Variants in SV2C observed in about 807,000 individuals in gnomAD.
SV2C encodes solute carrier family 22 member B3.
SV2C carries 49 observed loss-of-function variants against 79.7 expected under a neutral mutation model. That is an observed-to-expected ratio of 0.61 (90% confidence interval 0.49 to 0.78). SV2C has a LOEUF of 0.78. Among genes scored for constraint, SV2C ranks in the 30% least tolerant of loss-of-function variants. The pLI is 0.00. For missense variants in SV2C, 833 were observed against 912.9 expected (o/e 0.91, Z 1.13); for synonymous variants, 334 against 333.2 (o/e 1.00, Z -0.03).
At chr5:75,864,191 C>G in the SV2C span, among the ~76,000 whole-genome samples, 1 of 152,130 alleles carries the variant, frequency 6.6e-6, no homozygotes, top group Non-Finnish European at 1.5e-5. Context: ...TATAGAAAAA[C>G]TGAGCCTGAT....
At chr5:76,142,317 A>C (rs1014476533) in intron 2 of SV2C, among the ~76,000 whole-genome samples, 3 of 152,186 alleles carry the variant, frequency 2.0e-5, no homozygotes, top group Admixed American at 1.3e-4. Context: ...TCCAATTAAA[A>C]ATTTTTTTAC....
At position 76,266,425 on chromosome 5, in the gene SV2C, C is replaced by G. The variant is rs6895220; in HGVS notation, c.914-18737C>G. Among the ~76,000 whole-genome samples, 157 of 152,266 alleles carry G rather than the reference C, an allele frequency of 1.0e-3. 5 individuals are homozygous for G. In the East Asian group the frequency reaches 0.024, roughly 24 times the overall value. ...GTTTCACCATGTTGGCCAGGCTGGTCTCAAACTCCTGACCTCAAGTGATCC... is the reference window on the plus strand; with the variant it reads ...GTTTCACCATGTTGGCCAGGCTGGTGTCAAACTCCTGACCTCAAGTGATCC... On this transcript the variant is annotated intron_variant, in intron 4 of 12. Transcript: ENST00000502798.
At chr5:75,916,628 C>G in the SV2C span, among the ~76,000 whole-genome samples, 1 of 152,108 alleles carries the variant, frequency 6.6e-6, no homozygotes, top group Non-Finnish European at 1.5e-5. Context: ...GCACACACCA[C>G]CACATCTGGC....
intron 1 of SV2C, among the ~76,000 whole-genome samples, chr5:76,087,285 G>C (rs998241813): frequency 6.6e-6 from 1 of 152,152 alleles, no homozygotes; most frequent in African/African-American, 2.4e-5. Flanking sequence ...AATATTTTCT[G>C]TTGATCACCT....
At chr5:75,951,443 G>A in the SV2C span, among the ~76,000 whole-genome samples, 1 of 152,076 alleles carries the variant, frequency 6.6e-6, no homozygotes, top group Non-Finnish European at 1.5e-5. Context: ...GCTAAATGAA[G>A]AAATTATTTC....
rs142106130 is a variant in SV2C at position 76,348,900 on chromosome 5, TGAGGCAGAGAACAGCTTGAACCCAG to T, written c.2001-4220_2001-4196del. Among the ~76,000 whole-genome samples the T allele has an allele frequency of 9.3e-3, 1,411 of 152,232 alleles. 19 individuals carry two copies. Among genetic ancestry groups the T allele is most frequent in the African/African-American group, 0.032 (1,334 of 41,538 alleles). The stretch of plus-strand genomic sequence containing the variant: ...CTATAATCCCAGCTACTTGGGAGGC[TGAGGCAGAGAACAGCTTGAACCCAG>T]GAGGCAGAGTTTGCAGCGAGCCGAG... On this transcript the variant is annotated intron_variant, in intron 12 of 12. Transcript: ENST00000322285.
chr5:75,903,795 C>G, the SV2C span, among the ~76,000 whole-genome samples: 9 of 152,186 alleles, frequency 5.9e-5, no homozygotes, highest in African/African-American at 1.4e-4. Flanking sequence ...GACTCATACT[C>G]TCTTCTTGTG....
At chr5:75,999,339 G>GAT in the SV2C span, among the ~76,000 whole-genome samples, 1 of 143,128 alleles carries the variant, frequency 7.0e-6, no homozygotes, top group African/African-American at 2.5e-5. Flanking sequence ...TATAGGAAGA[G>GAT]AGAGAGAGAA....
At chr5:76,258,508 A>G (rs1746364897) in intron 4 of SV2C, among the ~76,000 whole-genome samples, 1 of 152,208 alleles carries the variant, frequency 6.6e-6, no homozygotes, top group Non-Finnish European at 1.5e-5. Context: ...AAGAATGTTC[A>G]GATGGAAATG....
chr5:75,970,327 G>A, the SV2C span, among the ~76,000 whole-genome samples: 1 of 152,056 alleles, frequency 6.6e-6, no homozygotes, highest in Non-Finnish European at 1.5e-5. Flanking sequence ...TAAGATCAGA[G>A]CAGAACTGAA....
chr5:76,352,199 T>G (rs1749654979), intron 12 of SV2C, among the ~76,000 whole-genome samples: 2 of 151,752 alleles, frequency 1.3e-5, no homozygotes, highest in Non-Finnish European at 2.9e-5. Context: ...GGCGACAGAG[T>G]GAGACTCTGT....
chr5:75,881,491 T>A, the SV2C span, among the ~76,000 whole-genome samples: 7 of 152,262 alleles, frequency 4.6e-5, no homozygotes, highest in African/African-American at 1.4e-4. Flanking sequence ...GGTTTGTAGT[T>A]CTCCTTGAAG....
chr5:75,975,216 G>A, the SV2C span, among the ~76,000 whole-genome samples: 3 of 152,134 alleles, frequency 2.0e-5, no homozygotes, highest in Admixed American at 1.3e-4. Flanking sequence ...GCTTATTAAA[G>A]CATAAATTCA....
At chr5:75,932,647 T>C in the SV2C span, among the ~76,000 whole-genome samples, 6 of 152,240 alleles carry the variant, frequency 3.9e-5, no homozygotes, top group African/African-American at 1.4e-4. Context: ...CAAAAGCATG[T>C]TGTTAAGGCA....
the SV2C span, among the ~76,000 whole-genome samples, chr5:76,023,956 T>C: frequency 7.3e-5 from 11 of 151,258 alleles, no homozygotes; most frequent in African/African-American, 2.4e-4. Context: ...CTCTGCCCCA[T>C]TGCAACAATA....
intron 4 of SV2C, among the ~76,000 whole-genome samples, chr5:76,275,416 G>C (rs1746995552): frequency 6.6e-6 from 1 of 151,996 alleles, no homozygotes; most frequent in Admixed American, 6.5e-5. Flanking sequence ...GAACCCGGGA[G>C]GCAGAGCTTG....
chr5:75,858,368 T>G, the SV2C span, among the ~76,000 whole-genome samples: 1 of 152,312 alleles, frequency 6.6e-6, no homozygotes, highest in African/African-American at 2.4e-5. Context: ...AATCATATGG[T>G]TTTTGTCCTT....
At chr5:75,867,414 C>T in the SV2C span, among the ~76,000 whole-genome samples, 1 of 151,882 alleles carries the variant, frequency 6.6e-6, no homozygotes, top group African/African-American at 2.4e-5. Context: ...AAAGCCAGGA[C>T]AATATGCTGG....
the SV2C span, among the ~76,000 whole-genome samples, chr5:76,046,687 T>C: frequency 2.6e-5 from 4 of 152,146 alleles, no homozygotes; most frequent in Non-Finnish European, 5.9e-5. Flanking sequence ...AAGTCAGTAT[T>C]TTTAAAAGAA....
Sources: allele counts gnomAD v4.1 joint callset (sites outside exome capture counted in the v4.1 genomes callset), GRCh38; gene constraint gnomAD v4.1.1; transcripts MANE v1.5; gene names NCBI Gene and HGNC (gene_info 2026-07-23, HGNC 2026-07-21).